ZNF496: variants seen among roughly 807,000 people sequenced by gnomAD.
ZNF496 encodes NSD1 (nuclear receptor binding SET-domain containing 1)-interacting zinc finger protein 1.
Under a neutral mutation model 58.9 loss-of-function variants are expected in ZNF496, and 11 were observed. The observed-to-expected ratio is 0.19, with a 90% CI of 0.12 to 0.31. The LOEUF (loss-of-function observed/expected upper bound fraction) is 0.31. Ranked by LOEUF, ZNF496 falls within the 10% of genes least tolerant of loss-of-function variation. ZNF496 has a pLI of 1.00. For missense variants in ZNF496, 660 were observed against 783.0 expected, an observed-to-expected ratio of 0.84 and a Z score of 1.88; for synonymous variants, 338 against 318.2, an observed-to-expected ratio of 1.06 and a Z score of -0.66.
intron 9 of ZNF496, among the ~76,000 whole-genome samples, chr1:247,305,814 C>A (rs563828530): frequency 6.6e-6 from 1 of 152,212 alleles, no homozygotes; most frequent in Non-Finnish European, 1.5e-5. Flanking sequence ...TGATGGCACA[C>A]GCCTGTAGTC....
At chr1:247,322,786 T>C (rs1169474992) in intron 6 of ZNF496, 1 of 1,298,358 alleles carries the variant, frequency 7.7e-7, no homozygotes, top group Non-Finnish European at 1.0e-6. Flanking sequence ...GCTGCGATGA[T>C]TATTAAATTG....
intron 5 of ZNF496, among the ~76,000 whole-genome samples, chr1:247,326,964 G>A (rs1660148252): frequency 6.6e-6 from 1 of 152,082 alleles, no homozygotes; most frequent in African/African-American, 2.4e-5. Context: ...CAAGAGTCCT[G>A]GCACAAAGCT....
intron 6 of ZNF496, among the ~76,000 whole-genome samples, chr1:247,318,253 CAAG>C (rs768338673): frequency 6.6e-6 from 1 of 152,050 alleles, no homozygotes; most frequent in Non-Finnish European, 1.5e-5. Flanking sequence ...CAGTTTCTAA[CAAG>C]AGATCTAAAA....
rs769566432 is a variant in ZNF496, at chr1:247,308,099, C to T, written c.1006+376G>A. ...GCACCCTGCTTTGACACACCCTCCC[C>T]GGCCCCTGGGAAAGGCAAGGAGGGT... On this transcript the variant is annotated intron_variant, in intron 9 of 9. Transcript: ENST00000682384. The surrounding 1 kb of genome is among the most constrained non-coding windows in gnomAD (Gnocchi z 4.5). 4.6e-6 allele frequency: 4 copies of T among 865,378 alleles called. No individual in the cohort carries two copies. Among genetic ancestry groups the T allele is most frequent in the Non-Finnish European group, 5.6e-6 (4 of 720,444 alleles). 53.6% of individuals were successfully genotyped at this position (865,378 alleles called of 1,614,324 possible).
intron 9 of ZNF496, among the ~76,000 whole-genome samples, chr1:247,305,658 A>C (rs550914055): frequency 6.6e-6 from 1 of 152,264 alleles, no homozygotes; most frequent in Non-Finnish European, 1.5e-5. Flanking sequence ...GTGAAAAACC[A>C]AAATGATAAA....
intron 9 of ZNF496, 151 bp from the exon 10 acceptor site, chr1:247,301,427 G>C: frequency 3.3e-6 from 3 of 916,370 alleles, no homozygotes; most frequent in Non-Finnish European, 3.1e-6. Context: ...AGCCCTGCAG[G>C]GGCCACTGGT....
chr1:247,313,168 A>T (rs1659660878), intron 6 of ZNF496: 1 of 152,046 alleles, frequency 6.6e-6, no homozygotes, highest in Non-Finnish European at 1.5e-5. Context: ...TGCCCTTATA[A>T]CCTGATCATC....
At chr1:247,310,149 T>C (rs548964502) in intron 7 of ZNF496, 175 bp downstream of exon 7, 4 of 1,443,658 alleles carry the variant, frequency 2.8e-6, no homozygotes, top group Non-Finnish European at 3.6e-6. Flanking sequence ...TCGGACACAC[T>C]GCCTGTAGGG....
At chr1:247,306,982 T>C in intron 9 of ZNF496, 1 of 549,368 alleles carries the variant, frequency 1.8e-6, no homozygotes. Context: ...CCTGGTGCAA[T>C]GTTTAGGACA....
At chr1:247,316,093 T>A (rs1265469449) in intron 6 of ZNF496, among the ~76,000 whole-genome samples, 1 of 150,122 alleles carries the variant, frequency 6.7e-6, no homozygotes. Flanking sequence ...TGACAAAAAA[T>A]ACAAAAGAAT....
At chr1:247,323,010 C>T (rs1484469260) in intron 6 of ZNF496, 144 bp downstream of exon 6, 18 of 728,120 alleles carry the variant, frequency 2.5e-5, no homozygotes, top group African/African-American at 7.2e-5. Context: ...CTTAAGCTCA[C>T]GCTCTGCCTA....
At chr1:247,306,261 T>C (rs886348129) in intron 9 of ZNF496, among the ~76,000 whole-genome samples, 1 of 152,038 alleles carries the variant, frequency 6.6e-6, no homozygotes, top group Non-Finnish European at 1.5e-5. Flanking sequence ...AGTGGCGTGA[T>C]CTTGGCTCAC....
intron 5 of ZNF496, among the ~76,000 whole-genome samples, chr1:247,327,136 C>A (rs940220339): frequency 7.2e-5 from 11 of 152,154 alleles, no homozygotes; most frequent in African/African-American, 2.2e-4. Context: ...GTGATCTCAG[C>A]TCACTGCAAT....
At chr1:247,328,202 T>C (rs1029907166) in intron 5 of ZNF496, among the ~76,000 whole-genome samples, 2 of 152,166 alleles carry the variant, frequency 1.3e-5, no homozygotes, top group African/African-American at 4.8e-5. Flanking sequence ...CCCCACACAC[T>C]AGACACCACC....
Position 247,323,182 on chromosome 1 carries a change from T to C in ZNF496, c.623A>G (p.Gln208Arg), listed in dbSNP as rs1572090898. 3 of 1,614,108 alleles carry C rather than the reference T, an allele frequency of 1.9e-6. No homozygotes were observed. Among genetic ancestry groups the C allele is most frequent in the Non-Finnish European group, 2.5e-6 (3 of 1,179,964 alleles). Reference sequence around the variant, plus strand: ...GGGTAGCTGGAGGGTGGTCACCTGCTGTGTGTCCCGCACATTCTCTTCCTG... The same window carrying C: ...GGGTAGCTGGAGGGTGGTCACCTGCCGTGTGTCCCGCACATTCTCTTCCTG... ...LLQEENVRDT[Q>R]QVTTLQLPPS... is the part of the protein sequence containing the mutation. The change falls in exon 6 of 10, where the codon CAG (glutamine) becomes CGG (arginine). Residue 208 changes from glutamine (Q) to arginine (R), a missense_variant. Coordinates refer to ENST00000682384, the MANE Select transcript of ZNF496 (RefSeq NM_032752.3).
intron 9 of ZNF496, among the ~76,000 whole-genome samples, chr1:247,302,489 T>C (rs1415613855): frequency 2.6e-5 from 4 of 152,014 alleles, no homozygotes; most frequent in Admixed American, 6.6e-5. Flanking sequence ...TGTGTGCATG[T>C]GTTTTTAATT....
Position 247,309,778 on chromosome 1 carries a change from G to A in ZNF496, c.813C>T (p.Ser271=). ...CGCGTGGCTCATTCTCCTCTCCCTGGGAGAGATCTGGCTGGGCAGCTAGGT... is the reference window on the plus strand; with the variant it reads ...CGCGTGGCTCATTCTCCTCTCCCTGAGAGAGATCTGGCTGGGCAGCTAGGT... The part of the protein sequence containing the change: ...PNDLAAQPDL[S]QGEENEPRVP... The change falls in exon 8 of 10, where the codon TCC becomes TCT. Residue 271 remains serine, a synonymous_variant. Transcript: ENST00000682384. This position sits in a 1 kb window ranked among gnomAD's most constrained non-coding sequence, Gnocchi z 4.3. 6.2e-7 allele frequency: 1 copy of A among 1,614,158 alleles called. No individual in the cohort carries two copies. Among genetic ancestry groups the A allele is most frequent in the East Asian group, 2.2e-5 (1 of 44,878 alleles).
intron 2 of ZNF496, among the ~76,000 whole-genome samples, chr1:247,331,217 G>A (rs1204512054): frequency 6.6e-6 from 1 of 152,270 alleles, no homozygotes; most frequent in Non-Finnish European, 1.5e-5. Flanking sequence ...AGGCTCGGAG[G>A]AGATGCCTGA....
At chr1:247,302,123 C>T (rs1201650100) in intron 9 of ZNF496, among the ~76,000 whole-genome samples, 1 of 152,078 alleles carries the variant, frequency 6.6e-6, no homozygotes, top group African/African-American at 2.4e-5. Flanking sequence ...TGGCCTGTTT[C>T]CTCACTGCTG....
Sources: allele counts gnomAD v4.1 joint callset (sites outside exome capture counted in the v4.1 genomes callset), GRCh38; gene constraint gnomAD v4.1.1; non-coding constraint Gnocchi (gnomAD v3.1); transcripts MANE v1.5; gene names NCBI Gene and HGNC (gene_info 2026-07-23, HGNC 2026-07-21).